The following PSD3 variants were observed in gnomAD, a reference collection of about 807,000 sequenced individuals.
PSD3 encodes PH and SEC7 domain-containing protein 3.
A neutral mutation model predicts 105.5 loss-of-function variants in PSD3; 49 were observed. The ratio of observed to expected loss-of-function variants is 0.46; its 90% CI spans 0.37 to 0.59. The LOEUF (loss-of-function observed/expected upper bound fraction) is 0.59, where lower values mean the gene tolerates loss of function less well. Ranked by LOEUF, PSD3 falls within the 20% of genes least tolerant of loss-of-function variation. The pLI is 0.00. For synonymous variants in PSD3, 557 were observed against 457.8 expected, an observed-to-expected ratio of 1.22 and a Z score of -2.77; for missense variants, 1,561 against 1,263.8, an observed-to-expected ratio of 1.24 and a Z score of -3.57.
In PSD3 at chr8:18,613,342, A is replaced by T. The variant is rs551748074; in HGVS notation, c.2411-12908T>A. 1.6e-3 allele frequency among the ~76,000 whole-genome samples: 238 copies of T among 152,218 alleles called. 2 individuals are homozygous for T. The highest frequency in any genetic ancestry group is 5.1e-3 in the African/African-American group (213 of 41,520). On this transcript the variant is annotated intron_variant, in intron 11 of 15. Coordinates refer to ENST00000327040, the MANE Select transcript of PSD3 (RefSeq NM_015310.4). ...GCCTTGGGAAGTTTGCACTGTTTGC[A>T]GGGGGGAGGAGCCTGGTCTCTCTCG...
intron 1 of PSD3, among the ~76,000 whole-genome samples, chr8:18,938,961 GA>G (rs1238058408): frequency 2.0e-5 from 3 of 152,172 alleles, no homozygotes; most frequent in Non-Finnish European, 4.4e-5. Context: ...GACTAGAGAA[GA>G]AACAGTATCA....
intron 8 of PSD3, among the ~76,000 whole-genome samples, chr8:18,797,346 G>A (rs1377136169): frequency 2.0e-5 from 3 of 152,102 alleles, no homozygotes; most frequent in Admixed American, 6.6e-5. Flanking sequence ...TGCCACGACT[G>A]CCAATTATTA....
chr8:18,938,557 A>G (rs1238695732), intron 1 of PSD3, among the ~76,000 whole-genome samples: 1 of 147,290 alleles, frequency 6.8e-6, no homozygotes, highest in Non-Finnish European at 1.5e-5. Context: ...TGGGACGTGG[A>G]GGTTGCAGTG....
chr8:18,737,363 G>A (rs1305954946), intron 9 of PSD3, among the ~76,000 whole-genome samples: 1 of 152,168 alleles, frequency 6.6e-6, no homozygotes, highest in Non-Finnish European at 1.5e-5. Context: ...GTCTTACTCT[G>A]TAGCCCAGGA....
At chr8:18,997,198 C>G (rs1287162123) in intron 1 of PSD3, among the ~76,000 whole-genome samples, 2 of 151,870 alleles carry the variant, frequency 1.3e-5, no homozygotes, top group Non-Finnish European at 2.9e-5. Flanking sequence ...CCTCTGTAAT[C>G]CAGATAAATA....
At chr8:18,957,281 G>A (rs931828977) in intron 1 of PSD3, among the ~76,000 whole-genome samples, 2 of 151,442 alleles carry the variant, frequency 1.3e-5, no homozygotes, top group South Asian at 2.1e-4. Flanking sequence ...TGAGGCAGGA[G>A]AATCACTTGA....
intron 1 of PSD3, among the ~76,000 whole-genome samples, chr8:19,079,091 A>G (rs923492384): frequency 6.6e-6 from 1 of 152,044 alleles, no homozygotes; most frequent in Non-Finnish European, 1.5e-5. Context: ...CACCTATACA[A>G]TGATCCACAG....
At chr8:18,565,096 C>A (rs998979139) in intron 14 of PSD3, among the ~76,000 whole-genome samples, 1 of 152,090 alleles carries the variant, frequency 6.6e-6, no homozygotes, top group African/African-American at 2.4e-5. Context: ...GAGCCACCTG[C>A]CGGCCTGGAG....
intron 1 of PSD3, among the ~76,000 whole-genome samples, chr8:18,991,375 C>T (rs201269430): frequency 2.0e-5 from 3 of 147,764 alleles, no homozygotes; most frequent in African/African-American, 7.6e-5. Flanking sequence ...CACACACATA[C>T]ACACACACAC....
rs563519548 is a variant in PSD3, at chr8:18,667,730, G to A, written c.2173-12045C>T. Among the ~76,000 whole-genome samples the A allele has an allele frequency of 2.0e-5, 3 of 152,360 alleles. No homozygotes were observed. In the South Asian group the frequency reaches 6.2e-4, roughly 32 times the overall value. On this transcript the variant is annotated intron_variant, in intron 9 of 15. Transcript: ENST00000327040. ...GGGACCAGGCGCTGCGGAGCAGGGG[G>A]CGGTACTCGTCAGGGAGGCTCAGGC...
intron 2 of PSD3, among the ~76,000 whole-genome samples, chr8:18,880,783 A>C (rs1025558877): frequency 6.6e-6 from 1 of 152,240 alleles, no homozygotes; most frequent in Non-Finnish European, 1.5e-5. Flanking sequence ...GCCTTCCTGA[A>C]TTAGTCCTAC....
chr8:18,590,459 C>A (rs1382919568), intron 12 of PSD3, among the ~76,000 whole-genome samples: 14 of 152,272 alleles, frequency 9.2e-5, no homozygotes, highest in African/African-American at 3.4e-4. Context: ...CCTTTCAGAT[C>A]CTTTCCTCTG....
Position 18,567,588 on chromosome 8 carries a change from AAT to A in PSD3, c.2784+4938_2784+4939del, listed in dbSNP as rs1224255862. ...TAGTAATGCTTACAAGTAAGCATTC[AAT>A]ATATGTTAATGATAATTATGAATTA... On this transcript the variant is annotated intron_variant, in intron 14 of 15. Transcript: ENST00000327040. Among the ~76,000 whole-genome samples the A allele has an allele frequency of 1.3e-5, 2 of 152,186 alleles. 1 individual carries two copies. Among genetic ancestry groups the A allele is most frequent in the Admixed American group, 1.3e-4 (2 of 15,282 alleles).
chr8:18,527,324 A>C lies in PSD3; in HGVS notation c.*8419T>G, dbSNP rs944587443. 7 of 152,614 alleles carry C rather than the reference A, an allele frequency of 4.6e-5. No homozygotes were observed. Among genetic ancestry groups the C allele is most frequent in the Admixed American group, 4.6e-4 (7 of 15,288 alleles). 9.5% of individuals were successfully genotyped at this position (152,614 alleles called of 1,614,324 possible). ...CAAATGATTGAAATTTGTTGGATTT[A>C]TTTCTTTCTAAAGTTTGTACATTTA... On this transcript the variant is annotated 3_prime_UTR_variant, in exon 16 of 16. Transcript: ENST00000327040.
intron 4 of PSD3, among the ~76,000 whole-genome samples, chr8:18,861,782 A>G (rs1347947061): frequency 6.6e-6 from 1 of 152,218 alleles, no homozygotes; most frequent in Non-Finnish European, 1.5e-5. Context: ...TCCACAAATT[A>G]GAACTTAGCA....
At chr8:18,987,021 T>A (rs1825535448) in intron 1 of PSD3, among the ~76,000 whole-genome samples, 1 of 152,000 alleles carries the variant, frequency 6.6e-6, no homozygotes, top group Non-Finnish European at 1.5e-5. Context: ...ACAAAAAAAA[T>A]TTGCAACCTC....
chr8:18,712,858 G>A (rs1347384750), intron 9 of PSD3, among the ~76,000 whole-genome samples: 4 of 152,022 alleles, frequency 2.6e-5, no homozygotes, highest in African/African-American at 9.7e-5. Flanking sequence ...ACCAACATAC[G>A]TGGTGAACAC....
intron 1 of PSD3, among the ~76,000 whole-genome samples, chr8:19,078,932 A>G (rs1421447334): frequency 6.6e-6 from 1 of 150,924 alleles, no homozygotes; most frequent in Non-Finnish European, 1.5e-5. Flanking sequence ...AACAAGACCT[A>G]TTGGAGTTGC....
chr8:18,982,921 G>A (rs926273509), intron 1 of PSD3, among the ~76,000 whole-genome samples: 1 of 152,188 alleles, frequency 6.6e-6, no homozygotes, highest in African/African-American at 2.4e-5. Flanking sequence ...ACAAGAGTCA[G>A]CCTGTCTTTT....
Sources: allele counts gnomAD v4.1 joint callset (sites outside exome capture counted in the v4.1 genomes callset), GRCh38; gene constraint gnomAD v4.1.1; transcripts MANE v1.5; gene names NCBI Gene and HGNC (gene_info 2026-07-23, HGNC 2026-07-21).